Variants in ZNF182 observed in about 807,000 individuals in gnomAD.
The protein encoded by ZNF182 is zinc finger protein 182.
A neutral mutation model predicts 28.1 loss-of-function variants in ZNF182; 10 were observed. The observed-to-expected ratio is 0.36, with a 90% confidence interval of 0.22 to 0.60. The LOEUF is 0.60. Among genes scored for constraint, ZNF182 ranks in the 20% least tolerant of loss-of-function variants. ZNF182 has a pLI of 0.75. For missense variants in ZNF182, 352 were observed against 453.2 expected, an observed-to-expected ratio of 0.78 and a Z score of 2.03; for synonymous variants, 156 against 158.7, an observed-to-expected ratio of 0.98 and a Z score of 0.13.
intron 3 of ZNF182, among the ~76,000 whole-genome samples, chrX:47,984,468 T>A (rs2058917124): frequency 9.0e-6 from 1 of 110,952 alleles, no homozygotes. Flanking sequence ...AATATAAGGA[T>A]GTTCATAGCA....
intron 3 of ZNF182, among the ~76,000 whole-genome samples, chrX:47,987,888 G>A (rs1303634697): frequency 8.9e-6 from 1 of 111,858 alleles, no homozygotes; most frequent in Non-Finnish European, 1.9e-5. Context: ...AGTTAAAGAT[G>A]AAGGCTGGAA....
At chrX:47,986,502 C>G (rs1556899826) in intron 3 of ZNF182, among the ~76,000 whole-genome samples, 1 of 112,093 alleles carries the variant, frequency 8.9e-6, no homozygotes, top group Admixed American at 9.5e-5. Context: ...TTATGTTAGG[C>G]ATAATTACGA....
intron 5 of ZNF182, among the ~76,000 whole-genome samples, chrX:47,982,371 G>A (rs782435438): frequency 1.8e-5 from 2 of 112,164 alleles, no homozygotes; most frequent in South Asian, 3.7e-4. Context: ...TGATGAACAC[G>A]TTCTAGAATT....
At chrX:47,980,648 T>C (rs923208523) in intron 5 of ZNF182, among the ~76,000 whole-genome samples, 3 of 111,474 alleles carry the variant, frequency 2.7e-5, no homozygotes, top group Admixed American at 9.6e-5. Context: ...AAATATATAT[T>C]CTTATAGGCT....
Position 47,976,366 on chromosome X carries a change from T to A in ZNF182, c.1664A>T (p.Glu555Val). Reference sequence around the variant, plus strand: ...CTTTTCTCGGAAGGCTTTGCCACACTCAGTGCATGCATAGGGTTTCTCTCC... The same window carrying A: ...CTTTTCTCGGAAGGCTTTGCCACACACAGTGCATGCATAGGGTTTCTCTCC... ...HTGEKPYACTECGKAFREKST... is the reference protein window; with the variant it reads ...HTGEKPYACTVCGKAFREKST... Residue 555 changes from glutamate (E) to valine (V), a missense_variant, in exon 6 of 6, where the codon GAG (glutamate) becomes GTG (valine). Coordinates refer to ENST00000376943, the MANE Select transcript of ZNF182 (RefSeq NM_001007088.2). 1 of 1,209,307 alleles carries A rather than the reference T, an allele frequency of 8.3e-7. No homozygotes were observed. The highest frequency in any genetic ancestry group is 1.1e-6 in the Non-Finnish European group (1 of 894,657).
intron 3 of ZNF182, among the ~76,000 whole-genome samples, chrX:47,990,704 G>A (rs2146467422): frequency 9.0e-6 from 1 of 111,611 alleles, no homozygotes; most frequent in South Asian, 3.8e-4. Flanking sequence ...TTATATGATT[G>A]GCAAGGTATA....
intron 4 of ZNF182, 97 bp from the exon 5 acceptor site, chrX:47,983,135 T>C (rs1482979528): frequency 1.8e-6 from 2 of 1,105,464 alleles, no homozygotes; most frequent in African/African-American, 3.6e-5. Context: ...ATCTATTGCT[T>C]GACATAATGG....
At chrX:47,991,735 G>C (rs1354943847) in intron 3 of ZNF182, among the ~76,000 whole-genome samples, 4 of 111,102 alleles carry the variant, frequency 3.6e-5, no homozygotes, top group Middle Eastern at 9.4e-3. Flanking sequence ...ACAGGTTAGG[G>C]ACCCAAGGAC....
chrX:48,000,739 A>C (rs1556901820), intron 3 of ZNF182, among the ~76,000 whole-genome samples: 1 of 111,318 alleles, frequency 9.0e-6, no homozygotes, highest in African/African-American at 3.2e-5. Flanking sequence ...CCAAATTAAA[A>C]ATTCTTGCTC....
intron 3 of ZNF182, among the ~76,000 whole-genome samples, chrX:47,985,402 T>C (rs188409347): frequency 9.0e-6 from 1 of 111,424 alleles, no homozygotes; most frequent in Non-Finnish European, 1.9e-5. Flanking sequence ...AGACTGAAAA[T>C]ATATCTATAT....
At chrX:47,977,893 C>T (rs944882886) in intron 5 of ZNF182, 96 bp from the exon 6 acceptor site, 15 of 801,677 alleles carry the variant, frequency 1.9e-5, no homozygotes, top group Non-Finnish European at 2.2e-5. Flanking sequence ...ATACTATAAT[C>T]TCATTTTATC....
intron 3 of ZNF182, among the ~76,000 whole-genome samples, chrX:47,991,330 C>T (rs375748212): frequency 1.8e-5 from 2 of 111,682 alleles, no homozygotes; most frequent in Non-Finnish European, 3.8e-5. Context: ...GTGCCTTGAT[C>T]CTGGACTTCC....
intron 3 of ZNF182, among the ~76,000 whole-genome samples, chrX:47,990,257 G>A (rs2058936969): frequency 9.0e-6 from 1 of 111,336 alleles, no homozygotes; most frequent in Admixed American, 9.5e-5. Context: ...ATCCGCGTCT[G>A]GTTACTCAAT....
At chrX:47,988,249 G>A (rs1223876267) in intron 3 of ZNF182, among the ~76,000 whole-genome samples, 1 of 110,524 alleles carries the variant, frequency 9.0e-6, no homozygotes, top group African/African-American at 3.3e-5. Flanking sequence ...CTCAGGAAGC[G>A]GAGGTTGCAG....
intron 3 of ZNF182, among the ~76,000 whole-genome samples, chrX:47,999,064 A>G (rs1222438780): frequency 9.0e-6 from 1 of 111,515 alleles, no homozygotes; most frequent in Non-Finnish European, 1.9e-5. Flanking sequence ...TACACAATGG[A>G]ATATCATTCA....
intron 3 of ZNF182, among the ~76,000 whole-genome samples, chrX:47,985,360 T>C (rs1490161211): frequency 2.7e-5 from 3 of 112,340 alleles, no homozygotes; most frequent in Admixed American, 9.4e-5. Context: ...ATTACATTTA[T>C]ATATTACATT....
intron 5 of ZNF182, among the ~76,000 whole-genome samples, chrX:47,978,214 C>T (rs1243022314): frequency 8.1e-5 from 9 of 110,904 alleles, no homozygotes; most frequent in Non-Finnish European, 1.3e-4. Flanking sequence ...ACTGCAAGCG[C>T]GAGCCACCAC....
chrX:47,981,390 A>G (rs1556899081), intron 5 of ZNF182, among the ~76,000 whole-genome samples: 2 of 112,453 alleles, frequency 1.8e-5, no homozygotes, highest in African/African-American at 6.5e-5. Flanking sequence ...AAAATAAGAC[A>G]ATGGATTAAA....
chrX:47,977,122 T>C lies in ZNF182; in HGVS notation c.908A>G (p.Glu303Gly). Residue 303 changes from glutamate to glycine, a missense_variant, in exon 6 of 6, where the codon GAA (glutamate) becomes GGA (glycine). Transcript: ENST00000376943. ...CTTCTGAGTGAAGGCTTTTCCACATTCATTACATTCATAAGGTTTTTCTCC... is the reference window on the plus strand; with the variant it reads ...CTTCTGAGTGAAGGCTTTTCCACATCCATTACATTCATAAGGTTTTTCTCC... ...HTGEKPYECNECGKAFTQKSN... is the reference protein window; with the variant it reads ...HTGEKPYECNGCGKAFTQKSN... The C allele has an allele frequency of 8.3e-7, 1 of 1,210,848 alleles. No homozygotes were observed. Among genetic ancestry groups the C allele is most frequent in the South Asian group, 1.8e-5 (1 of 56,686 alleles).
Sources: gnomAD v4.1 joint callset for allele counts (sites outside exome capture counted in the v4.1 genomes callset) on GRCh38, gnomAD v4.1.1 for gene constraint, MANE v1.5 for transcripts, NCBI Gene and HGNC (gene_info 2026-07-23, HGNC 2026-07-21) for gene names.